The following PLCL2 variants were observed in gnomAD, a reference collection of about 807,000 sequenced individuals.
The protein encoded by PLCL2 is phospholipase C like 2, also known as inactive phospholipase C-like protein 2.
A neutral mutation model predicts 79.6 loss-of-function variants in PLCL2; 4 were observed. The ratio of observed to expected loss-of-function variants is 0.05; its 90% CI spans 0.02 to 0.11. The LOEUF (loss-of-function observed/expected upper bound fraction) is 0.11. Ranked by LOEUF, PLCL2 falls within the 10% of genes least tolerant of loss-of-function variation. The pLI, the probability that PLCL2 is intolerant of heterozygous loss-of-function variation, is 1.00. For synonymous variants in PLCL2, 484 were observed against 457.7 expected, an observed-to-expected ratio of 1.06 and a Z score of -0.73; for missense variants, 895 against 1,291.0, an observed-to-expected ratio of 0.69 and a Z score of 4.70.
chr3:17,073,217 G>T (rs116614493), intron 5 of PLCL2, among the ~76,000 whole-genome samples: 2,236 of 152,240 alleles, frequency 0.015, 68 homozygotes, highest in African/African-American at 0.051. Context: ...ATCAGTTCCA[G>T]ACCATGGCAA....
At position 17,011,584 on chromosome 3, in the gene PLCL2, C is replaced by G; in HGVS notation, c.2238C>G (p.Asp746Glu). 6.2e-7 allele frequency: 1 copy of G among 1,614,160 alleles called. No individual in the cohort carries two copies. Among genetic ancestry groups the G allele is most frequent in the Non-Finnish European group, 8.5e-7 (1 of 1,180,006 alleles). The stretch of plus-strand genomic sequence containing the variant: ...CCTTCTTCAGCGCCAATACAAAAGA[C>G]TCTGTCCCAGGGGTCTCACCTCAAC... ...EVSFFSANTK[D>E]SVPGVSPQLL... The change falls in exon 2 of 6, where the codon GAC becomes GAG. Residue 746 changes from aspartate (D) to glutamate (E), a missense_variant. Asp to Glu is a conservative substitution (Grantham distance 45). This residue lies in a region of PLCL2 where 23 missense variants were observed against 86.9 expected (regional missense o/e 0.26). Coordinates refer to ENST00000615277, the MANE Select transcript of PLCL2 (RefSeq NM_001144382.2). The surrounding 1 kb of genome is among the most constrained non-coding windows in gnomAD (Gnocchi z 7.9).
intron 1 of PLCL2, among the ~76,000 whole-genome samples, chr3:16,963,284 T>C (rs2063773613): frequency 6.6e-6 from 1 of 152,112 alleles, no homozygotes; most frequent in Non-Finnish European, 1.5e-5. Context: ...CATCTACATA[T>C]ATATATACAT....
At chr3:16,919,386 T>A (rs1017724285) in intron 1 of PLCL2, among the ~76,000 whole-genome samples, 1 of 152,174 alleles carries the variant, frequency 6.6e-6, no homozygotes, top group Non-Finnish European at 1.5e-5. Context: ...GTTCCTCTTT[T>A]CCTTACTAGA....
At chr3:17,035,200 T>G (rs1490252057) in intron 3 of PLCL2, among the ~76,000 whole-genome samples, 1 of 152,190 alleles carries the variant, frequency 6.6e-6, no homozygotes, top group Non-Finnish European at 1.5e-5. Context: ...TTCCCTATTG[T>G]AACCACCAGT....
chr3:16,895,939 C>G (rs1417647413), intron 1 of PLCL2, among the ~76,000 whole-genome samples: 1 of 152,128 alleles, frequency 6.6e-6, no homozygotes, highest in Admixed American at 6.5e-5. Context: ...AGTGGTTACA[C>G]TTGGGGATAA....
chr3:17,030,431 C>CA (rs1423234409), intron 3 of PLCL2, among the ~76,000 whole-genome samples: 16 of 152,122 alleles, frequency 1.1e-4, no homozygotes, highest in Non-Finnish European at 5.9e-5. Flanking sequence ...AACATCACTC[C>CA]ATATTCCAGA....
At chr3:16,944,281 T>A (rs2063580997) in intron 1 of PLCL2, among the ~76,000 whole-genome samples, 1 of 152,194 alleles carries the variant, frequency 6.6e-6, no homozygotes, top group South Asian at 2.1e-4. Flanking sequence ...TTTTTATTAT[T>A]AGGATTTCCA....
chr3:17,086,751 T>G (rs546849683), intron 5 of PLCL2, among the ~76,000 whole-genome samples: 1 of 151,750 alleles, frequency 6.6e-6, no homozygotes, highest in South Asian at 2.1e-4. Flanking sequence ...AACAACCTGA[T>G]TAAAAACTGG....
rs1404217034 is a variant in PLCL2 at position 17,042,764 on chromosome 3, GC to G, written c.3019-109del. 6 of 719,888 alleles carry G rather than the reference GC, an allele frequency of 8.3e-6. No individual in the cohort carries two copies. In the East Asian group the frequency reaches 1.5e-4, roughly 18 times the overall value. The allele number at this position is 719,888 out of a possible 1,614,324, so 44.6% of individuals were successfully genotyped here. On this transcript the variant is annotated intron_variant, in intron 3 of 5. Transcript: ENST00000615277. Reference sequence around the variant, plus strand: ...GAGTAGTGGAAAGTCAGATAAAAAAGCGTTTAATATCATCACATCAGCCTGT... The same window carrying G: ...GAGTAGTGGAAAGTCAGATAAAAAAGGTTTAATATCATCACATCAGCCTGT...
At chr3:16,956,727 G>A (rs2063709355) in intron 1 of PLCL2, among the ~76,000 whole-genome samples, 1 of 152,178 alleles carries the variant, frequency 6.6e-6, no homozygotes, top group Non-Finnish European at 1.5e-5. Flanking sequence ...GGTCTGTTCA[G>A]AGATTCAACT....
intron 1 of PLCL2, among the ~76,000 whole-genome samples, chr3:16,968,792 A>G (rs2063830248): frequency 1.3e-5 from 2 of 151,894 alleles, no homozygotes; most frequent in Non-Finnish European, 2.9e-5. Flanking sequence ...TCTGGCTAGG[A>G]GTGGTGGGAA....
At chr3:17,077,973 GT>G (rs1242339334) in intron 5 of PLCL2, among the ~76,000 whole-genome samples, 2 of 152,218 alleles carry the variant, frequency 1.3e-5, no homozygotes, top group Non-Finnish European at 2.9e-5. Context: ...TTCACTCAGA[GT>G]TTCTACTGCT....
At chr3:16,955,828 TTGTC>T (rs2063699245) in intron 1 of PLCL2, among the ~76,000 whole-genome samples, 1 of 152,168 alleles carries the variant, frequency 6.6e-6, no homozygotes, top group African/African-American at 2.4e-5. Flanking sequence ...GGCTCTCTGT[TTGTC>T]TGTTATTGGT....
intron 5 of PLCL2, among the ~76,000 whole-genome samples, chr3:17,080,781 C>T (rs972762286): frequency 2.6e-5 from 4 of 152,226 alleles, no homozygotes; most frequent in African/African-American, 9.6e-5. Context: ...CCTCATTCAA[C>T]AAACACACAG....
chr3:16,906,866 T>C (rs1696763493), intron 1 of PLCL2, among the ~76,000 whole-genome samples: 1 of 152,212 alleles, frequency 6.6e-6, no homozygotes, highest in Non-Finnish European at 1.5e-5. Flanking sequence ...AGAAACTGTT[T>C]GTTTACTCTG....
chr3:16,904,705 C>G (rs777599675), intron 1 of PLCL2, among the ~76,000 whole-genome samples: 2 of 152,142 alleles, frequency 1.3e-5, no homozygotes, highest in Non-Finnish European at 2.9e-5. Context: ...CCCGTAATCC[C>G]TACATGTCAT....
intron 1 of PLCL2, among the ~76,000 whole-genome samples, chr3:16,977,095 T>C (rs1268500215): frequency 6.6e-6 from 1 of 152,108 alleles, no homozygotes; most frequent in African/African-American, 2.4e-5. Context: ...TGATAGGTGT[T>C]GGAGTAGCCA....
chr3:16,999,170 T>C (rs930988266), intron 1 of PLCL2, among the ~76,000 whole-genome samples: 3 of 151,890 alleles, frequency 2.0e-5, no homozygotes, highest in African/African-American at 7.2e-5. Context: ...AATGGTTTTT[T>C]TTCCCTATGG....
chr3:17,078,249 T>C (rs958501092), intron 5 of PLCL2, among the ~76,000 whole-genome samples: 2 of 152,210 alleles, frequency 1.3e-5, no homozygotes, highest in South Asian at 4.1e-4. Flanking sequence ...AACAAACCAC[T>C]GCAAAACTAG....
Sources: allele counts gnomAD v4.1 joint callset (sites outside exome capture counted in the v4.1 genomes callset), GRCh38; gene constraint gnomAD v4.1.1; regional missense constraint gnomAD v4.1.1; non-coding constraint Gnocchi (gnomAD v3.1); transcripts MANE v1.5; gene names NCBI Gene and HGNC (gene_info 2026-07-23, HGNC 2026-07-21).